Variants in NAA30 observed in about 807,000 individuals in gnomAD.
NAA30 encodes the protein N-alpha-acetyltransferase 30.
NAA30 carries 5 observed loss-of-function variants against 31.4 expected under a neutral mutation model. The observed-to-expected ratio is 0.16, with a 90% CI of 0.08 to 0.33. NAA30 has a LOEUF of 0.33. Ranked by LOEUF, NAA30 falls within the 10% of genes least tolerant of loss-of-function variation. The pLI is 1.00. For missense variants in NAA30, 428 were observed against 490.8 expected (o/e 0.87, Z 1.21); for synonymous variants, 222 against 207.1 (o/e 1.07, Z -0.62).
chr14:57,393,267 C>A (rs183361157), intron 2 of NAA30, among the ~76,000 whole-genome samples: 1 of 152,274 alleles, frequency 6.6e-6, no homozygotes, highest in Admixed American at 6.5e-5. Context: ...CTCTGGTCAA[C>A]AATATTAGTA....
intron 4 of NAA30, among the ~76,000 whole-genome samples, chr14:57,401,741 G>T (rs938707075): frequency 1.3e-5 from 2 of 152,158 alleles, no homozygotes; most frequent in Non-Finnish European, 2.9e-5. Flanking sequence ...TGTGAGGCAG[G>T]CTATGTGCTT....
intron 4 of NAA30, among the ~76,000 whole-genome samples, chr14:57,408,325 C>T (rs1042280989): frequency 2.6e-5 from 4 of 152,150 alleles, no homozygotes; most frequent in South Asian, 2.1e-4. Flanking sequence ...AATAGAGCTA[C>T]GTGTGTAAAA....
chr14:57,393,532 G>A (rs1339964674), intron 2 of NAA30, among the ~76,000 whole-genome samples: 1 of 151,998 alleles, frequency 6.6e-6, no homozygotes, highest in African/African-American at 2.4e-5. Context: ...GTTTCCCATA[G>A]GAACTATTTT....
chr14:57,391,169 G>A lies in NAA30; in HGVS notation c.212G>A (p.Cys71Tyr). The A allele has an allele frequency of 6.2e-7, 1 of 1,608,394 alleles. No homozygotes were observed. Among genetic ancestry groups the A allele is most frequent in the South Asian group, 1.1e-5 (1 of 90,872 alleles). ...ACGGTGGCGGCCAAGGGGCATCCGT[G>A]CCTCCGCTGCCCTCAGCCGCCGCAG... is the stretch of plus-strand genomic sequence containing the variant. ...SATVAAKGHP[C>Y]LRCPQPPQEQ... The change falls in exon 2 of 5, where the codon TGC (cysteine) becomes TAC (tyrosine). Residue 71 changes from cysteine (C) to tyrosine (Y), a missense_variant. Physicochemically the swap from Cys to Tyr is radical, Grantham distance 194. Coordinates refer to ENST00000556492, the MANE Select transcript of NAA30 (RefSeq NM_001011713.3). The surrounding 1 kb of genome is among the most constrained non-coding windows in gnomAD (Gnocchi z 4.1).
chr14:57,402,190 T>G (rs1205447232), intron 4 of NAA30, among the ~76,000 whole-genome samples: 2 of 152,268 alleles, frequency 1.3e-5, no homozygotes, highest in African/African-American at 4.8e-5. Context: ...TACTTTAGTC[T>G]TTAAGACCCA....
chr14:57,398,721 CTCCTG>C (rs1449395298), intron 3 of NAA30, among the ~76,000 whole-genome samples: 3 of 152,170 alleles, frequency 2.0e-5, no homozygotes, highest in Non-Finnish European at 4.4e-5. Context: ...CAACCTCCGC[CTCCTG>C]TGTTCAAGTG....
intron 4 of NAA30, among the ~76,000 whole-genome samples, chr14:57,403,692 G>A (rs958589646): frequency 5.3e-5 from 8 of 152,300 alleles, no homozygotes; most frequent in Non-Finnish European, 8.8e-5. Context: ...CCCCCTGCAC[G>A]CTCTGGCTGC....
At position 57,410,973 on chromosome 14, in the gene NAA30, T is replaced by C. The variant is rs944756074; in HGVS notation, c.*1457T>C. Reference sequence around the variant, plus strand: ...TTCTGCTCTAGTATTTGGTTTGGAATATATTTTGTGGCTCTAATTACTGTA... The same window carrying C: ...TTCTGCTCTAGTATTTGGTTTGGAACATATTTTGTGGCTCTAATTACTGTA... On this transcript the variant is annotated 3_prime_UTR_variant, in exon 5 of 5. Coordinates refer to ENST00000556492, the MANE Select transcript of NAA30 (RefSeq NM_001011713.3). 7.9e-5 allele frequency: 12 copies of C among 152,518 alleles called. No individual in the cohort carries two copies. Among genetic ancestry groups the C allele is most frequent in the East Asian group, 1.9e-4 (1 of 5,184 alleles). The allele number at this position is 152,518 out of a possible 1,614,324, so 9.4% of individuals were successfully genotyped here. A position where few individuals can be genotyped will look rare whatever the true frequency, so the allele number is the denominator to read the frequency against.
At chr14:57,401,972 G>A (rs997099025) in intron 4 of NAA30, among the ~76,000 whole-genome samples, 7 of 152,116 alleles carry the variant, frequency 4.6e-5, no homozygotes, top group Non-Finnish European at 1.0e-4. Context: ...CTGACATCAG[G>A]GATAGCTTTG....
rs866289264 is a variant in NAA30, at chr14:57,409,869, A to G, written c.*353A>G. On this transcript the variant is annotated 3_prime_UTR_variant, in exon 5 of 5. Coordinates refer to ENST00000556492, the MANE Select transcript of NAA30 (RefSeq NM_001011713.3). ...TAATTTTTGTTCCTTAAAAAAGCCA[A>G]TGTGGATTGTAAAAGTCTTTAAGTA... 18 of 174,634 alleles carry G rather than the reference A, an allele frequency of 1.0e-4. No homozygotes were observed. The highest frequency in any genetic ancestry group is 1.5e-4 in the East Asian group (1 of 6,746). 10.8% of individuals were successfully genotyped at this position (174,634 alleles called of 1,614,324 possible).
rs1211272424 is a variant in NAA30, at chr14:57,390,632, C to A, written c.-75C>A. ...GAACCTTGGCGGCTGTGGAGGCTGC[C>A]GCGGCTGCGAAGGAGGCGGCGGCGG... On this transcript the variant is annotated 5_prime_UTR_variant, in exon 1 of 5. Coordinates refer to ENST00000556492, the MANE Select transcript of NAA30 (RefSeq NM_001011713.3). The A allele has an allele frequency of 5.8e-6, 2 of 346,916 alleles. No individual in the cohort carries two copies. The highest frequency in any genetic ancestry group is 1.0e-5 in the Non-Finnish European group (2 of 193,700). 21.5% of individuals were successfully genotyped at this position (346,916 alleles called of 1,614,324 possible).
At position 57,399,347 on chromosome 14, in the gene NAA30, G is replaced by A. The variant is rs535007426; in HGVS notation, c.896-481G>A. Among the ~76,000 whole-genome samples, 61 of 152,298 alleles carry A rather than the reference G, an allele frequency of 4.0e-4. 1 individual carries two copies. Among genetic ancestry groups the A allele is most frequent in the African/African-American group, 1.4e-3 (60 of 41,564 alleles). On this transcript the variant is annotated intron_variant, in intron 3 of 4. Transcript: ENST00000556492. ...CAGACTTCATCGTGCTCACTGTAAA[G>A]TTTATAGGAACCTACTGTGGGTAAC...
rs762985642 is a variant in NAA30 at position 57,391,719 on chromosome 14, G to A, written c.762G>A (p.Leu254=). 6.2e-7 allele frequency: 1 copy of A among 1,603,114 alleles called. No homozygotes were observed. Among genetic ancestry groups the A allele is most frequent in the Non-Finnish European group, 8.5e-7 (1 of 1,173,712 alleles). Residue 254 remains leucine (L), a synonymous_variant, in exon 2 of 5, where the codon CTG becomes CTA. Transcript: ENST00000556492. The surrounding 1 kb of genome is among the most constrained non-coding windows in gnomAD (Gnocchi z 4.1). ...ATTTTATCCACAACTGGCCACAGCT[G>A]TGCTTCTTGGTAAGTGGATAGAATA... ...YRYFIHNWPQ[L]CFLAMVGEEC... is the part of the protein sequence containing the mutation.
chr14:57,390,860 T>TC (rs1807643583), intron 1 of NAA30, 97 bp from the exon 2 acceptor site: 8 of 1,255,638 alleles, frequency 6.4e-6, no homozygotes, highest in Admixed American at 3.5e-5. Context: ...CTGCCTTTGT[T>TC]CCCCCCACCT....
At chr14:57,405,715 T>C (rs1275685497) in intron 4 of NAA30, among the ~76,000 whole-genome samples, 1 of 152,234 alleles carries the variant, frequency 6.6e-6, no homozygotes, top group East Asian at 1.9e-4. Context: ...CAGTACTGTT[T>C]GTTGTTCATT....
At chr14:57,398,672 G>A (rs1473790157) in intron 3 of NAA30, among the ~76,000 whole-genome samples, 4 of 151,396 alleles carry the variant, frequency 2.6e-5, no homozygotes, top group Non-Finnish European at 2.9e-5. Context: ...TCACTCTGTC[G>A]CCCAGGTTGG....
rs1349241335 is a variant in NAA30, at chr14:57,391,481, A to G, written c.524A>G (p.Gln175Arg). The G allele has an allele frequency of 5.0e-6, 8 of 1,591,986 alleles. No individual in the cohort carries two copies. The highest frequency in any genetic ancestry group is 6.0e-6 in the Non-Finnish European group (7 of 1,163,514). ...AATGGACTGGCCGAGGGCACCGAGC[A>G]GGAGGAGGAGGAGGAAGACGAGCAG... ...ARNGLAEGTE[Q>R]EEEEEDEQVR... The change falls in exon 2 of 5, where the codon CAG (glutamine) becomes CGG (arginine). Residue 175 changes from glutamine (Q) to arginine (R), a missense_variant. Gln to Arg is a conservative substitution (Grantham distance 43, BLOSUM62 1). Around this residue, in one of 2 missense-constraint regions of NAA30, gnomAD observed 349 missense variants for 310.4 expected, o/e 1.12. Transcript: ENST00000556492. This position sits in a 1 kb window ranked among gnomAD's most constrained non-coding sequence, Gnocchi z 4.1.
At chr14:57,404,478 T>C (rs1369823395) in intron 4 of NAA30, among the ~76,000 whole-genome samples, 1 of 152,220 alleles carries the variant, frequency 6.6e-6, no homozygotes, top group Non-Finnish European at 1.5e-5. Context: ...TTTTTGCTTA[T>C]TTATATTAAA....
intron 2 of NAA30, among the ~76,000 whole-genome samples, chr14:57,396,036 A>G (rs764681406): frequency 1.2e-4 from 18 of 152,180 alleles, no homozygotes; most frequent in Non-Finnish European, 2.5e-4. Flanking sequence ...GTGCAGTGGC[A>G]CGATCTCAGC....
Sources: allele counts gnomAD v4.1 joint callset (sites outside exome capture counted in the v4.1 genomes callset), GRCh38; gene constraint gnomAD v4.1.1; regional missense constraint gnomAD v4.1.1; non-coding constraint Gnocchi (gnomAD v3.1); transcripts MANE v1.5; gene names NCBI Gene and HGNC (gene_info 2026-07-23, HGNC 2026-07-21).